LRRC49: variants seen among roughly 807,000 people sequenced by gnomAD.
LRRC49 encodes leucine-rich repeat-containing protein 49.
LRRC49 carries 50 observed loss-of-function variants against 83.3 expected under a neutral mutation model. That is an observed-to-expected ratio of 0.60 (90% CI 0.48 to 0.76). The LOEUF (loss-of-function observed/expected upper bound fraction) is 0.76, where lower values mean the gene tolerates loss of function less well. LRRC49 is among the 30% of genes least tolerant of loss of function. The pLI, the probability that LRRC49 is intolerant of heterozygous loss-of-function variation, is 0.00. For synonymous variants in LRRC49, 286 were observed against 283.3 expected (o/e 1.01, Z -0.10); for missense variants, 704 against 809.1 (o/e 0.87, Z 1.58).
intron 3 of LRRC49, chr15:70,898,289 C>T (rs1042055167): frequency 1.6e-5 from 10 of 632,622 alleles, no homozygotes; most frequent in South Asian, 3.7e-5. Flanking sequence ...AAGTAACACA[C>T]GCAAAATAGA....
intron 15 of LRRC49, among the ~76,000 whole-genome samples, chr15:71,041,189 G>T (rs1456237976): frequency 6.6e-6 from 1 of 152,140 alleles, no homozygotes; most frequent in African/African-American, 2.4e-5. Context: ...GTTTTAAGCT[G>T]CCAAGTTTGA....
chr15:71,012,916 A>G lies in LRRC49; in HGVS notation c.1703+3A>G. The G allele has an allele frequency of 1.3e-6, 2 of 1,588,122 alleles. No individual in the cohort carries two copies. Among genetic ancestry groups the G allele is most frequent in the African/African-American group, 2.7e-5 (2 of 73,986 alleles). ...ATTTCCATTCTGGGTGATGCCAGGT[A>G]ACCTTTAATTTTTGTAGTTTTTTAT... On this transcript the variant is annotated splice_donor_region_variant and intron_variant, in intron 14 of 15. Transcript: ENST00000260382.
intron 2 of LRRC49, among the ~76,000 whole-genome samples, chr15:70,877,437 T>C (rs2033175212): frequency 6.6e-6 from 1 of 152,238 alleles, no homozygotes; most frequent in Admixed American, 6.5e-5. Context: ...TTTATACAAA[T>C]AGAAATATAG....
At chr15:70,911,423 T>C (rs2034546191) in intron 5 of LRRC49, 109 bp from the exon 6 acceptor site, 2 of 570,330 alleles carry the variant, frequency 3.5e-6, no homozygotes, top group South Asian at 4.9e-5. Context: ...TAACTATATA[T>C]GTAGATAGAG....
chr15:70,978,663 A>G (rs2037292429), intron 9 of LRRC49, among the ~76,000 whole-genome samples: 1 of 152,200 alleles, frequency 6.6e-6, no homozygotes, highest in Admixed American at 6.5e-5. Flanking sequence ...AAATATGTCT[A>G]CCATTTGATA....
chr15:70,853,815 A>G (rs1176628204), intron 1 of LRRC49: 1 of 1,074,566 alleles, frequency 9.3e-7, no homozygotes, highest in Non-Finnish European at 1.2e-6. Context: ...TGTCGCGCGC[A>G]GTCAGCGCCC....
chr15:70,929,833 T>G (rs2035342083), intron 7 of LRRC49, among the ~76,000 whole-genome samples: 1 of 152,212 alleles, frequency 6.6e-6, no homozygotes, highest in Non-Finnish European at 1.5e-5. Context: ...AAGAAGTGAC[T>G]CCTCATCTAT....
At chr15:70,996,119 G>A (rs573766273) in intron 11 of LRRC49, among the ~76,000 whole-genome samples, 2 of 152,056 alleles carry the variant, frequency 1.3e-5, no homozygotes, top group African/African-American at 4.8e-5. Flanking sequence ...TTAATGACCG[G>A]AAAACTAGCA....
At chr15:70,924,117 T>A (rs2035106664) in intron 7 of LRRC49, among the ~76,000 whole-genome samples, 1 of 151,970 alleles carries the variant, frequency 6.6e-6, no homozygotes, top group Admixed American at 6.6e-5. Flanking sequence ...TTTTTTGTAT[T>A]TCATGACATT....
chr15:70,990,051 G>A (rs1253135494), intron 11 of LRRC49, among the ~76,000 whole-genome samples: 1 of 152,180 alleles, frequency 6.6e-6, no homozygotes, highest in East Asian at 1.9e-4. Flanking sequence ...ACTGGGGGGT[G>A]CCTCCCAGTT....
At chr15:70,858,900 A>T in intron 1 of LRRC49, 1 of 766,930 alleles carries the variant, frequency 1.3e-6, no homozygotes, top group Non-Finnish European at 2.4e-6. Flanking sequence ...TATGGGAGGC[A>T]TCACCGCTGT....
chr15:70,858,865 G>T, intron 1 of LRRC49: 1 of 765,950 alleles, frequency 1.3e-6, no homozygotes, highest in Admixed American at 1.8e-5. Flanking sequence ...TGGCCTGGGT[G>T]GAGGCTGGGT....
chr15:70,891,565 CTCTGTGTG>C (rs1256928772), upstream of LRRC49, among the ~76,000 whole-genome samples: 3 of 119,068 alleles, frequency 2.5e-5, no homozygotes, highest in East Asian at 2.4e-4. Flanking sequence ...CAGGACAAGA[CTCTGTGTG>C]TGTGTGTGTG....
chr15:70,933,790 T>A (rs547312752), intron 7 of LRRC49, among the ~76,000 whole-genome samples: 1 of 152,330 alleles, frequency 6.6e-6, no homozygotes, highest in East Asian at 1.9e-4. Context: ...GATACATTTA[T>A]GATAGAATAG....
chr15:70,910,136 T>A (rs1044084911), intron 5 of LRRC49, among the ~76,000 whole-genome samples: 39 of 152,156 alleles, frequency 2.6e-4, no homozygotes, highest in Middle Eastern at 3.4e-3. Context: ...CAGTGTGGTA[T>A]GTGCGTGTGT....
intron 3 of LRRC49, among the ~76,000 whole-genome samples, chr15:70,899,173 A>G (rs2033963827): frequency 6.6e-6 from 1 of 152,210 alleles, no homozygotes; most frequent in South Asian, 2.1e-4. Flanking sequence ...TTGCCTCTGT[A>G]TCTCAAGTCT....
intron 15 of LRRC49, among the ~76,000 whole-genome samples, chr15:71,048,333 G>T (rs1297250218): frequency 1.3e-5 from 2 of 151,896 alleles, no homozygotes; most frequent in African/African-American, 4.8e-5. Flanking sequence ...GGCCTTAAGC[G>T]ATCCTCCTGC....
intron 11 of LRRC49, among the ~76,000 whole-genome samples, chr15:70,989,519 T>C (rs2037775272): frequency 6.6e-6 from 1 of 152,220 alleles, no homozygotes; most frequent in Non-Finnish European, 1.5e-5. Context: ...TTGGTTATTC[T>C]AGTTATACAT....
chr15:70,878,482 C>T (rs556862971), intron 2 of LRRC49, among the ~76,000 whole-genome samples: 1 of 152,232 alleles, frequency 6.6e-6, no homozygotes, highest in East Asian at 1.9e-4. Flanking sequence ...CTAGGATCTT[C>T]AGTATGATGT....
Sources: allele counts gnomAD v4.1 joint callset (sites outside exome capture counted in the v4.1 genomes callset), GRCh38; gene constraint gnomAD v4.1.1; transcripts MANE v1.5; gene names NCBI Gene and HGNC (gene_info 2026-07-23, HGNC 2026-07-21).